The following TSC1 variants were observed in gnomAD, a reference collection of about 807,000 sequenced individuals.
TSC1 encodes the protein hamartin.
Under a neutral mutation model 124.3 loss-of-function variants are expected in TSC1, and 20 were observed. The ratio of observed to expected loss-of-function variants is 0.16; its 90% CI spans 0.11 to 0.23. TSC1 has a LOEUF of 0.23. TSC1 is among the 10% of genes least tolerant of loss of function. The pLI is 1.00. For synonymous variants in TSC1, 493 were observed against 539.1 expected (o/e 0.91, Z 1.19); for missense variants, 1,124 against 1,448.5 (o/e 0.78, Z 3.64).
rs540011897 is a variant in TSC1 at position 132,943,158 on chromosome 9, G to C, written c.-144+1385C>G. On this transcript the variant is annotated intron_variant, in intron 1 of 22. Transcript: ENST00000298552. ...AATTATAAATCAAAGTATCTCAGAA[G>C]AGTATTATTCTATTTTAGCACTTTT... Among the ~76,000 whole-genome samples the C allele has an allele frequency of 3.3e-5, 5 of 151,542 alleles. No homozygotes were observed. The South Asian group carries it at 1.0e-3, about 32-fold the overall frequency.
At chr9:132,913,611 G>C (rs986679615) in intron 8 of TSC1, among the ~76,000 whole-genome samples, 1 of 151,992 alleles carries the variant, frequency 6.6e-6, no homozygotes, top group African/African-American at 2.4e-5. Context: ...CGGATCACAA[G>C]GTCGAGAGAT....
In TSC1 at chr9:132,894,442, T is replaced by C. The variant is rs1844923994; in HGVS notation, c.*1793A>G. 4.4e-6 allele frequency: 1 copy of C among 228,518 alleles called. No homozygotes were observed. Among genetic ancestry groups the C allele is most frequent in the Non-Finnish European group, 8.7e-6 (1 of 114,914 alleles). The allele number at this position is 228,518 out of a possible 1,614,324, so 14.2% of individuals were successfully genotyped here. A position where few individuals can be genotyped will look rare whatever the true frequency, so the allele number is the denominator to read the frequency against. On this transcript the variant is annotated 3_prime_UTR_variant, in exon 23 of 23. Coordinates refer to ENST00000298552, the MANE Select transcript of TSC1 (RefSeq NM_000368.5). Reference sequence around the variant, plus strand: ...AACCAGGAAACTAGACTGTATTGGGTTTTAAGCTTTCCTTTGGACAAAGCT... The same window carrying C: ...AACCAGGAAACTAGACTGTATTGGGCTTTAAGCTTTCCTTTGGACAAAGCT...
At chr9:132,944,642 CAA>C (rs1564517863), upstream of TSC1, 1 of 398,706 alleles carries the variant, frequency 2.5e-6, no homozygotes, top group East Asian at 3.6e-5. Flanking sequence ...GTGAAAGGGC[CAA>C]GGCCGACGGC....
chr9:132,897,890 A>G (rs1020222827), intron 20 of TSC1, among the ~76,000 whole-genome samples: 1 of 152,240 alleles, frequency 6.6e-6, no homozygotes, highest in African/African-American at 2.4e-5. Context: ...ACCTGGAAAC[A>G]TCGTTTAAGT....
chr9:132,895,416 CTCCT>C lies in TSC1; in HGVS notation c.*815_*818del, dbSNP rs1844978551. 1 of 233,496 alleles carries C rather than the reference CTCCT, an allele frequency of 4.3e-6. No individual in the cohort carries two copies. Among genetic ancestry groups the C allele is most frequent in the African/African-American group, 2.2e-5 (1 of 45,350 alleles). The allele number at this position is 233,496 out of a possible 1,614,324, so 14.5% of individuals were successfully genotyped here. ...CTCGGGTAACCTCTCCCAGTGACTGCTCCTTCCCTCCTATGGAGAACAGGTTTTA... is the reference window on the plus strand; with the variant it reads ...CTCGGGTAACCTCTCCCAGTGACTGCTCCCTCCTATGGAGAACAGGTTTTA... On this transcript the variant is annotated 3_prime_UTR_variant, in exon 23 of 23. Transcript: ENST00000298552.
At position 132,903,752 on chromosome 9, in the gene TSC1, G is replaced by A; in HGVS notation, c.2107C>T (p.Leu703Phe). The change falls in exon 17 of 23, where the codon CTC (leucine) becomes TTC (phenylalanine). Residue 703 changes from leucine (L) to phenylalanine (F), a missense_variant. This residue lies in a region of TSC1 where 321 missense variants were observed against 397.4 expected (regional missense o/e 0.81). Transcript: ENST00000298552. This position sits in a 1 kb window ranked among gnomAD's most constrained non-coding sequence, Gnocchi z 5.9. ...DQLLLLHNQL[L>F]YERFKRQQHA... ...TGCTGCCTCTTAAAACGCTCATAGA[G>A]TAACTGGTTGTGCAGTAAAAGCAAC... The A allele has an allele frequency of 6.2e-7, 1 of 1,613,818 alleles. No homozygotes were observed. Among genetic ancestry groups the A allele is most frequent in the Non-Finnish European group, 8.5e-7 (1 of 1,180,020 alleles).
chr9:132,913,496 T>A (rs1005068933), intron 8 of TSC1, among the ~76,000 whole-genome samples: 1 of 152,114 alleles, frequency 6.6e-6, no homozygotes, highest in African/African-American at 2.4e-5. Flanking sequence ...TTTGGGTTAT[T>A]TCTTCTTTCC....
rs181486656 is a variant in TSC1 at position 132,896,119 on chromosome 9, T to G, written c.*116A>C. 6.6e-7 allele frequency: 1 copy of G among 1,504,764 alleles called. No individual in the cohort carries two copies. Among genetic ancestry groups the G allele is most frequent in the African/African-American group, 1.4e-5 (1 of 73,086 alleles). 93.2% of individuals were successfully genotyped at this position (1,504,764 alleles called of 1,614,324 possible). A position where few individuals can be genotyped will look rare whatever the true frequency, so the allele number is the denominator to read the frequency against. On this transcript the variant is annotated 3_prime_UTR_variant, in exon 23 of 23. Coordinates refer to ENST00000298552, the MANE Select transcript of TSC1 (RefSeq NM_000368.5). This position sits in a 1 kb window ranked among gnomAD's most constrained non-coding sequence, Gnocchi z 4.5. ...AGCTGTCCAAAGGACCTCCGTCCCA[T>G]TTCCACACATGAACTTGCACTCAGA... is the stretch of plus-strand genomic sequence containing the variant.
chr9:132,924,756 T>C (rs1444312407), intron 5 of TSC1: 1 of 152,238 alleles, frequency 6.6e-6, no homozygotes, highest in Non-Finnish European at 1.5e-5. Context: ...GTTCCTATTT[T>C]TTCTGAATTA....
At chr9:132,935,429 T>C (rs1847408931) in intron 1 of TSC1, among the ~76,000 whole-genome samples, 1 of 152,252 alleles carries the variant, frequency 6.6e-6, no homozygotes, top group Non-Finnish European at 1.5e-5. Flanking sequence ...TTATTAGCTG[T>C]GTAACATTTA....
At position 132,893,127 on chromosome 9, in the gene TSC1, C is replaced by T. The variant is rs890824766; in HGVS notation, c.*3108G>A. 5 of 233,202 alleles carry T rather than the reference C, an allele frequency of 2.1e-5. No individual in the cohort carries two copies. Among genetic ancestry groups the T allele is most frequent in the African/African-American group, 1.1e-4 (5 of 45,338 alleles). The allele number at this position is 233,202 out of a possible 1,614,324, so 14.4% of individuals were successfully genotyped here. A position where few individuals can be genotyped will look rare whatever the true frequency, so the allele number is the denominator to read the frequency against. On this transcript the variant is annotated 3_prime_UTR_variant, in exon 23 of 23. Transcript: ENST00000298552. Reference sequence around the variant, plus strand: ...TTGGCTCACAAAGTAGCTCACCTCTCGCCTCTCCACTCTTCAAGCTTAGTA... The same window carrying T: ...TTGGCTCACAAAGTAGCTCACCTCTTGCCTCTCCACTCTTCAAGCTTAGTA...
intron 8 of TSC1, among the ~76,000 whole-genome samples, chr9:132,919,334 A>G (rs1846420944): frequency 6.6e-6 from 1 of 152,210 alleles, no homozygotes; most frequent in East Asian, 1.9e-4. Flanking sequence ...CAAAACAACT[A>G]AAGAAAATAT....
chr9:132,917,253 G>C (rs1846310449), intron 8 of TSC1, among the ~76,000 whole-genome samples: 1 of 151,922 alleles, frequency 6.6e-6, no homozygotes. Context: ...CTTCAATCTG[G>C]AAACTCATAT....
At chr9:132,901,432 A>G (rs993068218) in intron 19 of TSC1, among the ~76,000 whole-genome samples, 157 bp downstream of exon 19, 1 of 152,222 alleles carries the variant, frequency 6.6e-6, no homozygotes, top group African/African-American at 2.4e-5. Flanking sequence ...GTCTCCAGAC[A>G]TTGCCAAATG....
chr9:132,896,655 G>A lies in TSC1; in HGVS notation c.3075C>T (p.Ser1025=), dbSNP rs765753157. The A allele has an allele frequency of 1.5e-5, 24 of 1,613,846 alleles. No homozygotes were observed. The highest frequency in any genetic ancestry group is 3.3e-4 in the Middle Eastern group (2 of 6,084). The change falls in exon 23 of 23, where the codon AGC becomes AGT. Residue 1025 remains serine, a synonymous_variant. Coordinates refer to ENST00000298552, the MANE Select transcript of TSC1 (RefSeq NM_000368.5). This position sits in a 1 kb window ranked among gnomAD's most constrained non-coding sequence, Gnocchi z 4.5. ...NGETKTPRPS[S]ARGSSGSRGG... is the part of the protein sequence containing the mutation. ...CTCTGCTTCCACTACTGCCCCGGGC[G>A]CTGCTGGGCCTGGGGGTCTTGGTCT...
At chr9:132,908,704 T>C (rs1845792108) in intron 12 of TSC1, among the ~76,000 whole-genome samples, 1 of 151,408 alleles carries the variant, frequency 6.6e-6, no homozygotes, top group South Asian at 2.1e-4. Context: ...TCCCTTGGAC[T>C]CCCAGAGTGC....
chr9:132,910,925 G>C (rs777861031), intron 11 of TSC1, 77 bp downstream of exon 11: 100 of 1,412,054 alleles, frequency 7.1e-5, no homozygotes, highest in Non-Finnish European at 9.1e-5. Context: ...TGGTCCCTTA[G>C]ATCTAAAAGA....
At chr9:132,937,693 T>A (rs1414770334) in intron 1 of TSC1, among the ~76,000 whole-genome samples, 1 of 152,172 alleles carries the variant, frequency 6.6e-6, no homozygotes, top group African/African-American at 2.4e-5. Flanking sequence ...AGTGGTTTTG[T>A]TGTTGGTGGT....
chr9:132,906,894 A>G lies in TSC1; in HGVS notation c.1334-59T>C. The G allele has an allele frequency of 1.5e-6, 2 of 1,316,054 alleles. No homozygotes were observed. Among genetic ancestry groups the G allele is most frequent in the East Asian group, 2.3e-5 (1 of 43,452 alleles). The allele number at this position is 1,316,054 out of a possible 1,614,324, so 81.5% of individuals were successfully genotyped here. A position where few individuals can be genotyped will look rare whatever the true frequency, so the allele number is the denominator to read the frequency against. ...AATACAGTGTAATCCCTGTAAGTGT[A>G]AAACTGCTTACACTGTATAGAATAT... On this transcript the variant is annotated intron_variant, in intron 13 of 22. Coordinates refer to ENST00000298552, the MANE Select transcript of TSC1 (RefSeq NM_000368.5). This position sits in a 1 kb window ranked among gnomAD's most constrained non-coding sequence, Gnocchi z 4.1.
Sources: gnomAD v4.1 joint callset for allele counts (sites outside exome capture counted in the v4.1 genomes callset) on GRCh38, gnomAD v4.1.1 for gene constraint, gnomAD v4.1.1 regional missense constraint, Gnocchi (gnomAD v3.1) non-coding constraint, MANE v1.5 for transcripts, NCBI Gene and HGNC (gene_info 2026-07-23, HGNC 2026-07-21) for gene names.